The following FSIP1 variants were observed in gnomAD, a reference collection of about 807,000 sequenced individuals.
FSIP1 encodes the protein fibrous sheath interacting protein 1.
FSIP1 carries 65 observed loss-of-function variants against 60.9 expected under a neutral mutation model. The ratio of observed to expected loss-of-function variants is 1.07; its 90% CI spans 0.87 to 1.31. The LOEUF (loss-of-function observed/expected upper bound fraction) is 1.31, where lower values mean the gene tolerates loss of function less well. FSIP1 is among the 40% of genes most tolerant of loss of function. FSIP1 has a pLI of 0.00. For synonymous variants in FSIP1, 209 were observed against 221.2 expected (o/e 0.94, Z 0.49); for missense variants, 675 against 665.5 (o/e 1.01, Z -0.16).
chr15:39,653,158 G>A (rs1438319165), intron 10 of FSIP1, among the ~76,000 whole-genome samples: 4 of 141,316 alleles, frequency 2.8e-5, no homozygotes, highest in South Asian at 2.3e-4. Context: ...CCTGTGTGAC[G>A]GAGCCAGACT....
chr15:39,602,859 T>G (rs1338414324), intron 11 of FSIP1, among the ~76,000 whole-genome samples: 1 of 152,230 alleles, frequency 6.6e-6, no homozygotes. Flanking sequence ...CTACTGTAAT[T>G]AAGTGTCTGT....
At chr15:39,629,370 C>T (rs1257142605) in intron 10 of FSIP1, among the ~76,000 whole-genome samples, 3 of 152,156 alleles carry the variant, frequency 2.0e-5, no homozygotes, top group Non-Finnish European at 4.4e-5. Context: ...GCAGTAACCA[C>T]AAAGTAACCA....
chr15:39,726,471 C>T (rs770927541), intron 9 of FSIP1, 118 bp downstream of exon 9: 2 of 999,076 alleles, frequency 2.0e-6, no homozygotes, highest in Non-Finnish European at 3.1e-6. Flanking sequence ...AAGGAATATA[C>T]ACACTGTTAT....
At chr15:39,668,382 C>T (rs546469197) in intron 10 of FSIP1, among the ~76,000 whole-genome samples, 14 of 152,206 alleles carry the variant, frequency 9.2e-5, no homozygotes, top group African/African-American at 2.9e-4. Flanking sequence ...AAAAATCTGT[C>T]AACTCATATC....
intron 4 of FSIP1, 129 bp from the exon 5 acceptor site, chr15:39,764,043 G>A: frequency 8.8e-6 from 5 of 567,778 alleles, no homozygotes; most frequent in Non-Finnish European, 1.6e-5. Flanking sequence ...TTTTTTTTTT[G>A]AGGAAATCTG....
intron 10 of FSIP1, among the ~76,000 whole-genome samples, chr15:39,627,905 G>C (rs1448790385): frequency 1.3e-5 from 2 of 152,238 alleles, no homozygotes; most frequent in African/African-American, 4.8e-5. Flanking sequence ...TTCCAAGTCA[G>C]GGCTGGGCAG....
intron 5 of FSIP1, among the ~76,000 whole-genome samples, chr15:39,758,930 A>G (rs1020994847): frequency 1.1e-4 from 17 of 152,228 alleles, no homozygotes; most frequent in African/African-American, 3.9e-4. Flanking sequence ...TGGGGAAATG[A>G]CAGATTATCC....
intron 11 of FSIP1, among the ~76,000 whole-genome samples, chr15:39,602,956 A>G (rs1890694126): frequency 6.6e-6 from 1 of 152,168 alleles, no homozygotes; most frequent in Admixed American, 6.5e-5. Context: ...ACGGTCCTCA[A>G]CTGGGGGAAA....
chr15:39,756,019 T>C (rs1316332139), intron 5 of FSIP1, among the ~76,000 whole-genome samples: 2 of 152,168 alleles, frequency 1.3e-5, no homozygotes, highest in East Asian at 1.9e-4. Context: ...CCCTCAGTAA[T>C]GGGATGGGAC....
At chr15:39,682,669 A>G (rs1894213226) in intron 10 of FSIP1, among the ~76,000 whole-genome samples, 1 of 152,248 alleles carries the variant, frequency 6.6e-6, no homozygotes, top group Non-Finnish European at 1.5e-5. Flanking sequence ...GTTAACCACA[A>G]GCAAACATCT....
At chr15:39,752,458 G>A (rs1897191867) in intron 5 of FSIP1, among the ~76,000 whole-genome samples, 1 of 151,956 alleles carries the variant, frequency 6.6e-6, no homozygotes, top group East Asian at 1.9e-4. Flanking sequence ...GGTGAACAGA[G>A]TTAACATTAA....
At chr15:39,771,744 T>C (rs2140723889) in intron 2 of FSIP1, among the ~76,000 whole-genome samples, 1 of 152,212 alleles carries the variant, frequency 6.6e-6, no homozygotes, top group Admixed American at 6.5e-5. Context: ...ATAAGCAAAA[T>C]AGTGTCTACT....
At chr15:39,675,666 G>A (rs1202230996) in intron 10 of FSIP1, among the ~76,000 whole-genome samples, 4 of 152,016 alleles carry the variant, frequency 2.6e-5, no homozygotes, top group Admixed American at 2.6e-4. Context: ...TTAAACCAGG[G>A]ATCAACGTAA....
chr15:39,632,909 C>T (rs553832931), intron 10 of FSIP1, among the ~76,000 whole-genome samples: 156 of 152,170 alleles, frequency 1.0e-3, no homozygotes, highest in African/African-American at 3.6e-3. Flanking sequence ...GGCAAAAACA[C>T]AATTTCTCTC....
intron 8 of FSIP1, among the ~76,000 whole-genome samples, chr15:39,733,590 A>G (rs1222030943): frequency 6.6e-6 from 1 of 152,170 alleles, no homozygotes. Flanking sequence ...TAAGTCATAT[A>G]CCTGAATCCC....
intron 1 of FSIP1, 87 bp from the exon 2 acceptor site, chr15:39,776,618 G>T: frequency 8.3e-7 from 1 of 1,206,560 alleles, no homozygotes; most frequent in Non-Finnish European, 1.2e-6. Context: ...ATTACTCAGA[G>T]GCTTTGTTTT....
In FSIP1 at chr15:39,713,500, G is replaced by T. The variant is rs1192975857; in HGVS notation, c.1132C>A (p.Leu378Met). The T allele has an allele frequency of 1.2e-6, 2 of 1,611,046 alleles. No individual in the cohort carries two copies. Among genetic ancestry groups the T allele is most frequent in the Non-Finnish European group, 1.7e-6 (2 of 1,178,582 alleles). Residue 378 changes from leucine to methionine, a missense_variant, in exon 10 of 12, where the codon CTG (leucine) becomes ATG (methionine). Coordinates refer to ENST00000350221, the MANE Select transcript of FSIP1 (RefSeq NM_152597.5). ...ILRNTKEQRD[L>M]HNRLREIDEK... ...TCAATCTCTCTCAGCCGATTATGCA[G>T]ATCGCGTTGCTCTTTGGTGTTCCTA...
intron 11 of FSIP1, among the ~76,000 whole-genome samples, chr15:39,606,535 CTA>C (rs1166136248): frequency 6.6e-6 from 1 of 152,114 alleles, no homozygotes; most frequent in Non-Finnish European, 1.5e-5. Flanking sequence ...CCCTACAGTG[CTA>C]TAGACTATTA....
chr15:39,639,559 A>G (rs1313306511), intron 10 of FSIP1, among the ~76,000 whole-genome samples: 1 of 152,202 alleles, frequency 6.6e-6, no homozygotes, highest in East Asian at 1.9e-4. Context: ...TTGTATAGGA[A>G]CTCTGCAACA....
Sources: allele counts gnomAD v4.1 joint callset (sites outside exome capture counted in the v4.1 genomes callset), GRCh38; gene constraint gnomAD v4.1.1; transcripts MANE v1.5; gene names NCBI Gene and HGNC (gene_info 2026-07-23, HGNC 2026-07-21).